ACYP2: variants seen among roughly 807,000 people sequenced by gnomAD.
The protein encoded by ACYP2 is acylphosphatase 2.
In ACYP2, 12 loss-of-function variants were observed where a neutral mutation model predicts 11.2. That is an observed-to-expected ratio of 1.08 (90% confidence interval 0.69 to 1.74). ACYP2 has a LOEUF of 1.74. Among genes scored for constraint, ACYP2 ranks in the 40% most tolerant of loss-of-function variants. The probability of loss-of-function intolerance (pLI) is 0.00; values close to 1 mark genes in which losing one functional copy is unlikely to be tolerated. For synonymous variants in ACYP2, 43 were observed against 32.2 expected, an observed-to-expected ratio of 1.33 and a Z score of -1.13; for missense variants, 134 against 101.9, an observed-to-expected ratio of 1.31 and a Z score of -1.35.
chr2:54,070,793 G>C (rs1364645895), intron 4 of ACYP2, among the ~76,000 whole-genome samples: 3 of 149,784 alleles, frequency 2.0e-5, no homozygotes, highest in African/African-American at 7.4e-5. Context: ...CTGGAGTGCA[G>C]TGGCACGATT....
chr2:54,240,068 T>G (rs1686666285), intron 6 of ACYP2, among the ~76,000 whole-genome samples: 1 of 152,210 alleles, frequency 6.6e-6, no homozygotes, highest in Non-Finnish European at 1.5e-5. Flanking sequence ...TGGGAATTTC[T>G]TCTCAGAACG....
At chr2:54,295,679 G>A (rs984216296) in intron 6 of ACYP2, among the ~76,000 whole-genome samples, 2 of 152,116 alleles carry the variant, frequency 1.3e-5, no homozygotes, top group African/African-American at 4.8e-5. Flanking sequence ...ACATATTTAT[G>A]AATATGTATT....
chr2:54,269,063 C>G (rs549279774), intron 6 of ACYP2, among the ~76,000 whole-genome samples: 42 of 152,344 alleles, frequency 2.8e-4, no homozygotes, highest in Admixed American at 9.8e-4. Context: ...AGGTCACACA[C>G]TCAGCCAGGA....
intron 2 of ACYP2, among the ~76,000 whole-genome samples, chr2:54,013,740 AAAAGAG>A (rs1199876725): frequency 1.9e-4 from 28 of 145,678 alleles, no homozygotes; most frequent in African/African-American, 7.1e-4. Flanking sequence ...AAAAAAAAAA[AAAAGAG>A]AGAGAGAGGT....
chr2:54,175,424 C>A (rs535649846), intron 6 of ACYP2, among the ~76,000 whole-genome samples: 1 of 151,890 alleles, frequency 6.6e-6, no homozygotes, highest in East Asian at 1.9e-4. Flanking sequence ...TCTCTCTTTC[C>A]TTCTTTATTA....
intron 6 of ACYP2, among the ~76,000 whole-genome samples, chr2:54,290,470 T>C (rs1315193839): frequency 1.3e-5 from 2 of 152,034 alleles, no homozygotes; most frequent in Non-Finnish European, 2.9e-5. Context: ...CACCTCACTT[T>C]GTTCCCAGCA....
At chr2:54,034,519 C>G (rs537226970) in intron 2 of ACYP2, among the ~76,000 whole-genome samples, 6 of 152,284 alleles carry the variant, frequency 3.9e-5, no homozygotes, top group African/African-American at 1.4e-4. Flanking sequence ...GATAGTCTAT[C>G]CCCTATCACC....
intron 6 of ACYP2, chr2:54,255,806 G>A: frequency 6.2e-7 from 1 of 1,613,858 alleles, no homozygotes; most frequent in Middle Eastern, 1.7e-4. Context: ...TCTTCACCCG[G>A]AAAGCCATTT....
chr2:54,303,757 A>G (rs186639844), intron 6 of ACYP2, among the ~76,000 whole-genome samples: 9 of 152,362 alleles, frequency 5.9e-5, no homozygotes, highest in Admixed American at 2.6e-4. Flanking sequence ...CCCTAGCTTC[A>G]CAACCTGAAA....
intron 4 of ACYP2, among the ~76,000 whole-genome samples, chr2:54,092,467 G>C (rs1484449800): frequency 2.0e-5 from 3 of 152,136 alleles, no homozygotes; most frequent in African/African-American, 7.2e-5. Context: ...AATCAGCCTT[G>C]GAACAGGGTT....
At chr2:54,233,820 G>A (rs996298657) in intron 6 of ACYP2, among the ~76,000 whole-genome samples, 8 of 151,962 alleles carry the variant, frequency 5.3e-5, no homozygotes, top group Non-Finnish European at 1.2e-4. Flanking sequence ...AAAAGGTCAC[G>A]GGAAAATGGA....
intron 6 of ACYP2, among the ~76,000 whole-genome samples, chr2:54,214,210 A>G (rs1685458008): frequency 6.6e-6 from 1 of 152,158 alleles, no homozygotes; most frequent in Admixed American, 6.6e-5. Context: ...CTCTGCTGAT[A>G]GTTTATTTTG....
intron 6 of ACYP2, among the ~76,000 whole-genome samples, chr2:54,211,225 T>C (rs769204604): frequency 3.3e-5 from 5 of 152,242 alleles, no homozygotes; most frequent in Non-Finnish European, 7.3e-5. Context: ...CCTTTAATAA[T>C]AGATTCATAA....
intron 6 of ACYP2, among the ~76,000 whole-genome samples, chr2:54,274,149 G>C (rs535925460): frequency 6.6e-6 from 1 of 152,286 alleles, no homozygotes; most frequent in African/African-American, 2.4e-5. Context: ...TATGGTGGAA[G>C]GCAAGGAGGA....
intron 6 of ACYP2, among the ~76,000 whole-genome samples, chr2:54,248,662 T>C (rs2104001278): frequency 6.6e-6 from 1 of 152,290 alleles, no homozygotes; most frequent in Admixed American, 6.5e-5. Flanking sequence ...TATGCTAGAC[T>C]GTAGGCTGCT....
intron 6 of ACYP2, among the ~76,000 whole-genome samples, chr2:54,297,287 A>G (rs1689558634): frequency 6.7e-6 from 1 of 148,202 alleles, no homozygotes. Context: ...TGAGCCCAGG[A>G]GTTTAAGACC....
chr2:54,178,583 T>TCC (rs1364002656), intron 6 of ACYP2, among the ~76,000 whole-genome samples: 3 of 152,220 alleles, frequency 2.0e-5, no homozygotes, highest in Non-Finnish European at 2.9e-5. Flanking sequence ...TTTACTTGAA[T>TCC]TTAACATCTT....
chr2:54,177,911 T>A (rs578027086), intron 6 of ACYP2, among the ~76,000 whole-genome samples: 65 of 148,426 alleles, frequency 4.4e-4, no homozygotes, highest in South Asian at 4.1e-3. Context: ...CTTTATTTTT[T>A]TTTTTTTTTT....
chr2:54,258,259 G>A (rs1339657769), intron 6 of ACYP2, among the ~76,000 whole-genome samples: 1 of 152,178 alleles, frequency 6.6e-6, no homozygotes, highest in Non-Finnish European at 1.5e-5. Context: ...ATGAAATAGG[G>A]TGGTCAGAGG....
Sources: allele counts gnomAD v4.1 joint callset (sites outside exome capture counted in the v4.1 genomes callset), GRCh38; gene constraint gnomAD v4.1.1; transcripts MANE v1.5; gene names NCBI Gene and HGNC (gene_info 2026-07-23, HGNC 2026-07-21).